Variants in RALGAPA2 observed in about 807,000 individuals in gnomAD.
RALGAPA2 encodes the protein Ral GTPase activating protein catalytic subunit alpha 2.
A neutral mutation model predicts 230.4 loss-of-function variants in RALGAPA2; 139 were observed. The observed-to-expected ratio is 0.60, with a 90% CI of 0.53 to 0.69. RALGAPA2 has a LOEUF of 0.69. RALGAPA2 is among the 30% of genes least tolerant of loss of function. The pLI, the probability that RALGAPA2 is intolerant of heterozygous loss-of-function variation, is 0.00. For missense variants in RALGAPA2, 2,163 were observed against 2,276.0 expected (o/e 0.95, Z 1.01); for synonymous variants, 847 against 837.8 (o/e 1.01, Z -0.19).
chr20:20,705,183 A>G (rs1304488383), intron 1 of RALGAPA2, among the ~76,000 whole-genome samples: 1 of 152,204 alleles, frequency 6.6e-6, no homozygotes, highest in African/African-American at 2.4e-5. Flanking sequence ...GCACTCACAC[A>G]GTCTTTAAAA....
intron 36 of RALGAPA2, among the ~76,000 whole-genome samples, chr20:20,473,161 C>T (rs550666806): frequency 6.6e-6 from 1 of 152,286 alleles, no homozygotes; most frequent in East Asian, 1.9e-4. Flanking sequence ...ACTAGGGATT[C>T]TTCAGCAAAA....
rs1569394788 is a variant in RALGAPA2, at chr20:20,431,797, C to T, written c.5496-19649G>A. Among the ~76,000 whole-genome samples the T allele has an allele frequency of 2.0e-5, 3 of 152,052 alleles. No homozygotes were observed. The South Asian group carries it at 6.2e-4, about 32-fold the overall frequency. On this transcript the variant is annotated intron_variant, in intron 37 of 39. Coordinates refer to ENST00000202677, the MANE Select transcript of RALGAPA2 (RefSeq NM_020343.4). The stretch of plus-strand genomic sequence containing the variant: ...CATGTATCACAACATCACACTGTAC[C>T]CCATAAATATATGCAATTATTATCT...
At chr20:20,394,474 C>G (rs2059664963) in intron 39 of RALGAPA2, among the ~76,000 whole-genome samples, 1 of 152,136 alleles carries the variant, frequency 6.6e-6, no homozygotes, top group Non-Finnish European at 1.5e-5. Flanking sequence ...CCCGTCTCTA[C>G]AAAAACATTG....
intron 20 of RALGAPA2, among the ~76,000 whole-genome samples, chr20:20,580,428 CCCCTG>C (rs1361159016): frequency 6.6e-6 from 1 of 152,168 alleles, no homozygotes; most frequent in Non-Finnish European, 1.5e-5. Flanking sequence ...AAGTCAATAT[CCCCTG>C]CCCTGTCATC....
rs138540099 is a variant in RALGAPA2, at chr20:20,611,849, G to C, written c.1689-423C>G. On this transcript the variant is annotated intron_variant, in intron 13 of 39. Coordinates refer to ENST00000202677, the MANE Select transcript of RALGAPA2 (RefSeq NM_020343.4). ...CCCTCTCATTGCAACAGGAGGTGAA[G>C]CTGACTTTCTGGCCTTTATTTTGGG... Among the ~76,000 whole-genome samples the C allele has an allele frequency of 2.8e-3, 426 of 152,336 alleles. 2 individuals are homozygous for C. The highest frequency in any genetic ancestry group is 9.8e-3 in the African/African-American group (407 of 41,578).
intron 35 of RALGAPA2, 95 bp downstream of exon 35, chr20:20,503,254 ATC>A (rs2062429968): frequency 8.6e-7 from 1 of 1,164,930 alleles, no homozygotes; most frequent in Non-Finnish European, 1.1e-6. Flanking sequence ...CAGAGAAACC[ATC>A]TCAGTGTGCG....
At chr20:20,502,425 G>A (rs1337568188) in intron 35 of RALGAPA2, among the ~76,000 whole-genome samples, 3 of 152,194 alleles carry the variant, frequency 2.0e-5, no homozygotes, top group Admixed American at 6.5e-5. Flanking sequence ...CCCAGGCACC[G>A]TGCTAAGCAA....
intron 24 of RALGAPA2, among the ~76,000 whole-genome samples, chr20:20,537,881 A>G (rs2063539722): frequency 1.3e-5 from 2 of 152,212 alleles, no homozygotes; most frequent in South Asian, 4.1e-4. Context: ...AGAAGAGGCT[A>G]CTGTTTTCAT....
At chr20:20,420,762 T>C (rs951796034) in intron 37 of RALGAPA2, among the ~76,000 whole-genome samples, 1 of 152,158 alleles carries the variant, frequency 6.6e-6, no homozygotes, top group Non-Finnish European at 1.5e-5. Context: ...GATTGAGGAA[T>C]AGTACCCTGT....
chr20:20,634,707 A>C lies in RALGAPA2; in HGVS notation c.1005+711T>G, dbSNP rs116777042. ...TCCTATCCCTGTTCTTGGGGACAAT[A>C]AACAAAAGAGCACACAACACCATGA... On this transcript the variant is annotated intron_variant, in intron 9 of 39. Transcript: ENST00000202677. Among the ~76,000 whole-genome samples, 811 of 152,272 alleles carry C rather than the reference A, an allele frequency of 5.3e-3. 5 individuals are homozygous for C. Among genetic ancestry groups the C allele is most frequent in the African/African-American group, 0.019 (773 of 41,548 alleles).
chr20:20,628,714 T>C (rs2066571784), intron 10 of RALGAPA2, among the ~76,000 whole-genome samples: 1 of 152,196 alleles, frequency 6.6e-6, no homozygotes, highest in South Asian at 2.1e-4. Context: ...ACATTGCTAA[T>C]GTCCCCTAGG....
At chr20:20,684,694 C>T (rs2068639394) in intron 1 of RALGAPA2, among the ~76,000 whole-genome samples, 2 of 152,168 alleles carry the variant, frequency 1.3e-5, no homozygotes, top group African/African-American at 4.8e-5. Context: ...TCACACAATT[C>T]CCCCTGACAG....
chr20:20,662,771 G>A (rs1391551893), intron 3 of RALGAPA2, among the ~76,000 whole-genome samples: 1 of 152,186 alleles, frequency 6.6e-6, no homozygotes, highest in Non-Finnish European at 1.5e-5. Context: ...AGAGGGAAAA[G>A]GTGAGAAAAT....
At chr20:20,561,096 G>A (rs974690782) in intron 23 of RALGAPA2, among the ~76,000 whole-genome samples, 4 of 152,202 alleles carry the variant, frequency 2.6e-5, no homozygotes, top group African/African-American at 9.7e-5. Context: ...CTGTCCTAGA[G>A]CGTCAGACAG....
At chr20:20,567,531 G>C (rs537612200) in intron 23 of RALGAPA2, among the ~76,000 whole-genome samples, 63 of 152,314 alleles carry the variant, frequency 4.1e-4, no homozygotes, top group Middle Eastern at 3.4e-3. Context: ...AAACGGAAGG[G>C]AGAAACAACA....
chr20:20,650,687 T>A (rs2146588863), intron 4 of RALGAPA2, among the ~76,000 whole-genome samples: 1 of 152,300 alleles, frequency 6.6e-6, no homozygotes, highest in South Asian at 2.1e-4. Flanking sequence ...TTTGTAAAAG[T>A]CAGGATGCCA....
intron 37 of RALGAPA2, 80 bp from the exon 38 acceptor site, chr20:20,412,228 T>C: frequency 2.6e-6 from 4 of 1,557,694 alleles, no homozygotes; most frequent in Non-Finnish European, 3.5e-6. Flanking sequence ...TTAATACCGT[T>C]GTGCAATTTT....
intron 23 of RALGAPA2, among the ~76,000 whole-genome samples, chr20:20,568,084 G>T (rs1021599967): frequency 6.6e-6 from 1 of 151,980 alleles, no homozygotes; most frequent in South Asian, 2.1e-4. Flanking sequence ...AGAGGGAAGC[G>T]TACTGGGAGA....
At chr20:20,455,779 T>C (rs2061101641) in intron 37 of RALGAPA2, among the ~76,000 whole-genome samples, 1 of 152,216 alleles carries the variant, frequency 6.6e-6, no homozygotes, top group Non-Finnish European at 1.5e-5. Flanking sequence ...CAAACGGACA[T>C]TCTCCTTAAA....
Sources: gnomAD v4.1 joint callset for allele counts (sites outside exome capture counted in the v4.1 genomes callset) on GRCh38, gnomAD v4.1.1 for gene constraint, MANE v1.5 for transcripts, NCBI Gene and HGNC (gene_info 2026-07-23, HGNC 2026-07-21) for gene names.